The following CHSY3 variants were observed in gnomAD, a reference collection of about 807,000 sequenced individuals.
CHSY3 encodes the protein chondroitin sulfate synthase 3.
In CHSY3, 35 loss-of-function variants were observed where a neutral mutation model predicts 67.2. That is an observed-to-expected ratio of 0.52 (90% CI 0.40 to 0.69). CHSY3 has a LOEUF of 0.69. Among genes scored for constraint, CHSY3 ranks in the 30% least tolerant of loss-of-function variants. The probability of loss-of-function intolerance (pLI) is 0.00; values close to 1 mark genes in which losing one functional copy is unlikely to be tolerated. For missense variants in CHSY3, 1,069 were observed against 1,138.5 expected, an observed-to-expected ratio of 0.94 and a Z score of 0.88; for synonymous variants, 474 against 434.7, an observed-to-expected ratio of 1.09 and a Z score of -1.12.
chr5:130,039,776 CCAA>C (rs1282642949), intron 2 of CHSY3, among the ~76,000 whole-genome samples: 1 of 152,048 alleles, frequency 6.6e-6, no homozygotes, highest in East Asian at 1.9e-4. Flanking sequence ...CTGCATCCCA[CCAA>C]CATTTTTTCC....
chr5:130,066,564 A>G (rs1227262659), intron 2 of CHSY3, among the ~76,000 whole-genome samples: 17 of 152,106 alleles, frequency 1.1e-4, no homozygotes, highest in Admixed American at 1.1e-3. Context: ...TTTGAGAAAA[A>G]ATTAAGCATA....
chr5:130,109,109 T>A (rs1356013199), intron 2 of CHSY3, among the ~76,000 whole-genome samples: 1 of 151,634 alleles, frequency 6.6e-6, no homozygotes, highest in Non-Finnish European at 1.5e-5. Flanking sequence ...GAAATAAAAG[T>A]TCTAATGGAA....
chr5:130,071,531 A>G (rs941747540), intron 2 of CHSY3, among the ~76,000 whole-genome samples: 9 of 132,108 alleles, frequency 6.8e-5, no homozygotes, highest in African/African-American at 2.8e-4. Context: ...ACATTATAGT[A>G]GTTCATTGTG....
chr5:130,027,458 T>C (rs1314568524), intron 2 of CHSY3, among the ~76,000 whole-genome samples: 1 of 152,060 alleles, frequency 6.6e-6, no homozygotes, highest in Non-Finnish European at 1.5e-5. Context: ...TTTTACATCT[T>C]AATATATATT....
intron 2 of CHSY3, among the ~76,000 whole-genome samples, chr5:130,093,927 C>T (rs1431248451): frequency 1.3e-5 from 2 of 152,114 alleles, no homozygotes; most frequent in Non-Finnish European, 2.9e-5. Flanking sequence ...ATTTCCTTCT[C>T]TTAACATTCT....
chr5:129,978,491 A>G (rs1294231224), intron 2 of CHSY3, among the ~76,000 whole-genome samples: 1 of 152,178 alleles, frequency 6.6e-6, no homozygotes. Context: ...TCTTACAATT[A>G]ATATGCAGTT....
At chr5:130,082,858 G>A (rs1339531171) in intron 2 of CHSY3, among the ~76,000 whole-genome samples, 1 of 151,338 alleles carries the variant, frequency 6.6e-6, no homozygotes, top group Non-Finnish European at 1.5e-5. Flanking sequence ...CTATATATAT[G>A]TGTGTATATA....
chr5:129,919,664 T>A (rs946326177), intron 2 of CHSY3, among the ~76,000 whole-genome samples: 7 of 152,196 alleles, frequency 4.6e-5, no homozygotes, highest in Non-Finnish European at 7.3e-5. Flanking sequence ...CATGATTCAG[T>A]TATCTCCCCC....
intron 2 of CHSY3, among the ~76,000 whole-genome samples, chr5:129,949,685 C>T (rs1761965851): frequency 6.6e-6 from 1 of 152,096 alleles, no homozygotes; most frequent in African/African-American, 2.4e-5. Context: ...GCCAATATCC[C>T]TGATGAACAT....
chr5:130,127,437 T>C (rs1268652977), intron 2 of CHSY3, among the ~76,000 whole-genome samples: 3 of 151,650 alleles, frequency 2.0e-5, no homozygotes, highest in African/African-American at 4.9e-5. Context: ...ATGTAGATTC[T>C]GGGTTGCATC....
intron 2 of CHSY3, among the ~76,000 whole-genome samples, chr5:130,124,560 A>G (rs1238455062): frequency 3.3e-5 from 5 of 151,884 alleles, no homozygotes; most frequent in African/African-American, 7.3e-5. Flanking sequence ...AGTTCAAGCA[A>G]TTCTCCTGCT....
Position 130,184,589 on chromosome 5 carries a change from C to G in CHSY3, c.1447C>G (p.Pro483Ala). Reference sequence around the variant, plus strand: ...ATACTCAGCAGCTGAGAACCAGCCCCCTCGACAGAGCCTCAGTAGCATTTT... The same window carrying G: ...ATACTCAGCAGCTGAGAACCAGCCCGCTCGACAGAGCCTCAGTAGCATTTT... ...LLYSAAENQPPRQSLSSILRT... is the reference protein window; with the variant it reads ...LLYSAAENQPARQSLSSILRT... The change falls in exon 3 of 3, where the codon CCT becomes GCT. Residue 483 changes from proline to alanine, a missense_variant. By Grantham distance (27) the Pro-to-Ala change is conservative (BLOSUM62 -1). Around this residue, in one of 5 missense-constraint regions of CHSY3, gnomAD observed 401 missense variants for 395.2 expected, o/e 1.01. Coordinates refer to ENST00000305031, the MANE Select transcript of CHSY3 (RefSeq NM_175856.5). 2 of 1,612,512 alleles carry G rather than the reference C, an allele frequency of 1.2e-6. No individual in the cohort carries two copies. Among genetic ancestry groups the G allele is most frequent in the Non-Finnish European group, 1.7e-6 (2 of 1,178,528 alleles).
chr5:130,181,800 G>T (rs1770257663), intron 2 of CHSY3, among the ~76,000 whole-genome samples: 2 of 151,968 alleles, frequency 1.3e-5, no homozygotes, highest in Admixed American at 6.6e-5. Flanking sequence ...AAATGTATAT[G>T]GCTTCTTTCA....
At chr5:130,145,170 CA>C (rs374864457) in intron 2 of CHSY3, among the ~76,000 whole-genome samples, 1,789 of 152,268 alleles carry the variant, frequency 0.012, 43 homozygotes, top group African/African-American at 0.041. Flanking sequence ...CTGGGGATTA[CA>C]ACTGAACATG....
intron 2 of CHSY3, among the ~76,000 whole-genome samples, chr5:130,171,747 T>C (rs991911273): frequency 3.9e-5 from 6 of 152,148 alleles, no homozygotes; most frequent in African/African-American, 1.4e-4. Context: ...ATTACCCATA[T>C]CAGATTGTTA....
chr5:130,059,890 G>T (rs896956174), intron 2 of CHSY3, among the ~76,000 whole-genome samples: 1 of 151,902 alleles, frequency 6.6e-6, no homozygotes, highest in African/African-American at 2.4e-5. Flanking sequence ...AATAAAAATA[G>T]TATAGTTAAT....
At chr5:130,116,954 C>T (rs1246140060) in intron 2 of CHSY3, among the ~76,000 whole-genome samples, 1 of 151,738 alleles carries the variant, frequency 6.6e-6, no homozygotes, top group Non-Finnish European at 1.5e-5. Context: ...GAAAATGTGG[C>T]ATCATTTCAA....
chr5:130,037,883 G>A (rs1439521638), intron 2 of CHSY3, among the ~76,000 whole-genome samples: 1 of 151,868 alleles, frequency 6.6e-6, no homozygotes, highest in Non-Finnish European at 1.5e-5. Context: ...AGATTTTTTT[G>A]AAGTCTAAAA....
chr5:130,043,525 G>A (rs936009149), intron 2 of CHSY3, among the ~76,000 whole-genome samples: 1 of 152,120 alleles, frequency 6.6e-6, no homozygotes. Context: ...GGGTCTGTTT[G>A]CATTCTGTTT....
Sources: gnomAD v4.1 joint callset for allele counts (sites outside exome capture counted in the v4.1 genomes callset) on GRCh38, gnomAD v4.1.1 for gene constraint, gnomAD v4.1.1 regional missense constraint, MANE v1.5 for transcripts, NCBI Gene and HGNC (gene_info 2026-07-23, HGNC 2026-07-21) for gene names.